Variants in RBFOX3 observed in about 807,000 individuals in gnomAD.
The protein encoded by RBFOX3 is RNA binding fox-1 homolog 3, also known as RNA binding protein fox-1 homolog 3.
In RBFOX3, 17 loss-of-function variants were observed where a neutral mutation model predicts 48.7. That is an observed-to-expected ratio of 0.35 (90% CI 0.24 to 0.52). The LOEUF is 0.52. RBFOX3 is among the 20% of genes least tolerant of loss of function. RBFOX3 has a pLI of 0.94. For synonymous variants in RBFOX3, 212 were observed against 209.5 expected (o/e 1.01, Z -0.10); for missense variants, 382 against 497.5 (o/e 0.77, Z 2.21).
At chr17:79,172,394 T>C (rs1296754272) in intron 4 of RBFOX3, among the ~76,000 whole-genome samples, 1 of 152,204 alleles carries the variant, frequency 6.6e-6, no homozygotes, top group Non-Finnish European at 1.5e-5. Context: ...AGCGTGTTGT[T>C]GCCTGGTGCA....
At chr17:79,655,359 T>C in the RBFOX3 span, among the ~76,000 whole-genome samples, 1 of 152,030 alleles carries the variant, frequency 6.6e-6, no homozygotes, top group African/African-American at 2.4e-5. Context: ...ATAACCACGT[T>C]CCCACCCCCC....
chr17:79,616,982 G>A, the RBFOX3 span, among the ~76,000 whole-genome samples: 69 of 152,178 alleles, frequency 4.5e-4, no homozygotes, highest in African/African-American at 1.5e-3. Flanking sequence ...AGAGGTGTTC[G>A]GCCCTCACAC....
intron 2 of RBFOX3, among the ~76,000 whole-genome samples, chr17:79,341,272 A>G (rs954797984): frequency 1.3e-5 from 2 of 152,234 alleles, no homozygotes; most frequent in Non-Finnish European, 2.9e-5. Flanking sequence ...ACAGGTGTGC[A>G]CACAGAAATG....
chr17:79,422,495 G>A (rs897636292), intron 2 of RBFOX3, among the ~76,000 whole-genome samples: 2 of 152,048 alleles, frequency 1.3e-5, no homozygotes, highest in East Asian at 3.9e-4. Flanking sequence ...AGGGCTTCCC[G>A]GCCCAGGCTG....
chr17:79,382,955 T>C (rs1207890195), intron 2 of RBFOX3, among the ~76,000 whole-genome samples: 2 of 151,818 alleles, frequency 1.3e-5, no homozygotes, highest in Non-Finnish European at 2.9e-5. Context: ...TTCTTAACGA[T>C]GGGCTTTAGC....
chr17:79,385,080 C>T (rs1014099278), intron 2 of RBFOX3, among the ~76,000 whole-genome samples: 2 of 152,212 alleles, frequency 1.3e-5, no homozygotes, highest in Non-Finnish European at 2.9e-5. Flanking sequence ...GCAAACCCCT[C>T]GGGTCCCAGG....
At chr17:79,556,612 C>T (rs2091780912) in intron 1 of RBFOX3, among the ~76,000 whole-genome samples, 1 of 152,138 alleles carries the variant, frequency 6.6e-6, no homozygotes, top group South Asian at 2.1e-4. Context: ...GTGAAATTAA[C>T]GGCTACTTAA....
intron 2 of RBFOX3, among the ~76,000 whole-genome samples, chr17:79,346,455 G>T (rs946167916): frequency 1.3e-5 from 2 of 152,160 alleles, no homozygotes; most frequent in East Asian, 3.9e-4. Flanking sequence ...CCTGGGAATT[G>T]ATTAATTGGT....
At chr17:79,538,369 G>C (rs2089183240) in intron 1 of RBFOX3, among the ~76,000 whole-genome samples, 2 of 152,232 alleles carry the variant, frequency 1.3e-5, no homozygotes, top group Admixed American at 1.3e-4. Flanking sequence ...GAGAGCTGGA[G>C]TTTTCCCTTC....
At chr17:79,581,667 GGAAGA>G (rs1273754325) in intron 1 of RBFOX3, among the ~76,000 whole-genome samples, 2 of 152,390 alleles carry the variant, frequency 1.3e-5, no homozygotes, top group East Asian at 3.8e-4. Context: ...TCCTGTTGCA[GGAAGA>G]GAAGAGAGCT....
At chr17:79,327,003 G>A (rs1178102468) in intron 2 of RBFOX3, among the ~76,000 whole-genome samples, 2 of 152,214 alleles carry the variant, frequency 1.3e-5, no homozygotes, top group African/African-American at 2.4e-5. Context: ...GAGCCGATCT[G>A]GAACCAAGCC....
chr17:79,437,721 C>G (rs1555732043), intron 2 of RBFOX3, among the ~76,000 whole-genome samples: 1 of 152,244 alleles, frequency 6.6e-6, no homozygotes, highest in African/African-American at 2.4e-5. Flanking sequence ...ACTTCCCACC[C>G]TAGGCCGGCA....
intron 3 of RBFOX3, among the ~76,000 whole-genome samples, chr17:79,272,102 G>C (rs1405766566): frequency 6.6e-6 from 1 of 152,262 alleles, no homozygotes; most frequent in Non-Finnish European, 1.5e-5. Context: ...GAAAGGGCGA[G>C]GGGGAGGGTG....
intron 4 of RBFOX3, among the ~76,000 whole-genome samples, chr17:79,186,926 C>T (rs2053532451): frequency 1.3e-5 from 2 of 152,224 alleles, no homozygotes; most frequent in South Asian, 2.1e-4. Context: ...GCCTCTCCTC[C>T]AGTTGGGCAG....
intron 4 of RBFOX3, chr17:79,235,241 C>G (rs1473191247): frequency 6.6e-6 from 1 of 152,238 alleles, no homozygotes; most frequent in Non-Finnish European, 1.5e-5. Context: ...CAGTAGTAGC[C>G]AGTCCCCCAG....
chr17:79,159,670 C>CT (rs1345946845), intron 4 of RBFOX3, among the ~76,000 whole-genome samples: 5 of 152,220 alleles, frequency 3.3e-5, no homozygotes, highest in African/African-American at 9.7e-5. Flanking sequence ...GTGCCCACGC[C>CT]TGGGCTGCAT....
At chr17:79,130,211 C>T (rs186418425) in intron 4 of RBFOX3, among the ~76,000 whole-genome samples, 286 of 152,324 alleles carry the variant, frequency 1.9e-3, no homozygotes, top group Non-Finnish European at 3.4e-3. Context: ...ACCATTAGGT[C>T]TCCATGTTCC....
At chr17:79,628,075 C>T in the RBFOX3 span, among the ~76,000 whole-genome samples, 4 of 152,228 alleles carry the variant, frequency 2.6e-5, no homozygotes, top group East Asian at 3.9e-4. Flanking sequence ...TCAGAGAAAG[C>T]GGCTGCTTTA....
rs1183567910 is a variant in RBFOX3, at chr17:79,423,168, G to A, written c.-175+59286C>T. Reference sequence around the variant, plus strand: ...GTCACCCCCACCAGAGTTTTCAAACGTGTCTTGGCGTCACATGTCCAAAAC... The same window carrying A: ...GTCACCCCCACCAGAGTTTTCAAACATGTCTTGGCGTCACATGTCCAAAAC... On this transcript the variant is annotated intron_variant, in intron 2 of 14. Transcript: ENST00000693108. This position sits in a 1 kb window ranked among gnomAD's most constrained non-coding sequence, Gnocchi z 4.9. Among the ~76,000 whole-genome samples the A allele has an allele frequency of 2.0e-5, 3 of 152,140 alleles. No homozygotes were observed. Among genetic ancestry groups the A allele is most frequent in the South Asian group, 2.1e-4 (1 of 4,836 alleles).
Sources: allele counts gnomAD v4.1 joint callset (sites outside exome capture counted in the v4.1 genomes callset), GRCh38; gene constraint gnomAD v4.1.1; non-coding constraint Gnocchi (gnomAD v3.1); transcripts MANE v1.5; gene names NCBI Gene and HGNC (gene_info 2026-07-23, HGNC 2026-07-21).